Variants in ZNF808 observed in about 807,000 individuals in gnomAD.
ZNF808 encodes the protein zinc finger protein 808.
A neutral mutation model predicts 8.7 loss-of-function variants in ZNF808; 5 were observed. The observed-to-expected ratio is 0.58, with a 90% confidence interval of 0.30 to 1.21. ZNF808 has a LOEUF of 1.21. Ranked by LOEUF, ZNF808 falls within the 50% of genes most tolerant of loss-of-function variation. ZNF808 has a pLI of 0.07. For synonymous variants in ZNF808, 380 were observed against 366.0 expected, an observed-to-expected ratio of 1.04 and a Z score of -0.44; for missense variants, 1,103 against 1,098.4, an observed-to-expected ratio of 1.00 and a Z score of -0.06.
intron 3 of ZNF808, among the ~76,000 whole-genome samples, chr19:52,546,943 CTTTTTTT>C (rs1172936091): frequency 1.1e-4 from 9 of 78,478 alleles, no homozygotes; most frequent in South Asian, 4.0e-4. Context: ...CCTGGAATTG[CTTTTTTT>C]TTTTTTTTTT....
chr19:52,543,646 A>T (rs879724530), intron 3 of ZNF808, among the ~76,000 whole-genome samples: 4 of 152,316 alleles, frequency 2.6e-5, no homozygotes, highest in Admixed American at 6.5e-5. Context: ...TTGATGTCAG[A>T]GCTGCTGGGC....
At chr19:52,546,429 C>A (rs1373000611) in intron 3 of ZNF808, among the ~76,000 whole-genome samples, 6 of 152,096 alleles carry the variant, frequency 3.9e-5, no homozygotes, top group Non-Finnish European at 7.3e-5. Flanking sequence ...TCATGATCCA[C>A]CTGCCTTGGC....
chr19:52,562,104 G>A (rs2059860093), intron 3 of ZNF808, among the ~76,000 whole-genome samples: 1 of 152,150 alleles, frequency 6.6e-6, no homozygotes, highest in African/African-American at 2.4e-5. Context: ...GAGGTCCAGA[G>A]TTTGAGACCA....
intron 2 of ZNF808, among the ~76,000 whole-genome samples, chr19:52,535,598 A>G (rs1000500921): frequency 3.9e-5 from 6 of 152,148 alleles, no homozygotes; most frequent in Non-Finnish European, 7.4e-5. Context: ...CGGAGGCCCT[A>G]GGGAAGTCTC....
downstream of ZNF808, among the ~76,000 whole-genome samples, chr19:52,560,346 AC>A (rs976521724): frequency 1.5e-4 from 23 of 152,100 alleles, no homozygotes; most frequent in Admixed American, 1.2e-3. Flanking sequence ...AAATTAAAAA[AC>A]GTCATAATTA....
At position 52,555,061 on chromosome 19, in the gene ZNF808, C is replaced by CT. The variant is rs1301543125; in HGVS notation, c.2147dup (p.Ser717GlnfsTer2). 6.2e-7 allele frequency: 1 copy of CT among 1,613,644 alleles called. No individual in the cohort carries two copies. Among genetic ancestry groups the CT allele is most frequent in the South Asian group, 1.1e-5 (1 of 91,046 alleles). ...ACAAGTGTAATGAGTGCAGCAAGAC[C>CT]TTCAGTAACAGGTCATCCCTTGTAT... On this transcript the variant is annotated frameshift_variant, in exon 5 of 5. Transcript: ENST00000359798. LOFTEE classifies it low-confidence loss of function (END_TRUNC).
At chr19:52,568,313 G>A (rs1019241253), downstream of ZNF808, among the ~76,000 whole-genome samples, 1 of 152,198 alleles carries the variant, frequency 6.6e-6, no homozygotes, top group Non-Finnish European at 1.5e-5. Context: ...CGTGGAGGTC[G>A]TAGTGAGCCG....
At position 52,529,074 on chromosome 19, in the gene ZNF808, C is replaced by G. The variant is rs12327753; in HGVS notation, c.-122+1363C>G. Among the ~76,000 whole-genome samples, 45 of 151,704 alleles carry G rather than the reference C, an allele frequency of 3.0e-4. No individual in the cohort carries two copies. The East Asian group carries it at 8.1e-3, about 27-fold the overall frequency. On this transcript the variant is annotated intron_variant, in intron 1 of 4. Transcript: ENST00000359798. ...ATATGTACAGAATTAGGGAGGGAAG[C>G]GCAGTAATGAAGAAAGGGGGGCTAG...
chr19:52,555,046 T>C lies in ZNF808; in HGVS notation c.2130T>C (p.Asn710=), dbSNP rs1167049570. 6.2e-7 allele frequency: 1 copy of C among 1,613,922 alleles called. No homozygotes were observed. Among genetic ancestry groups the C allele is most frequent in the Admixed American group, 1.7e-5 (1 of 59,998 alleles). ...IHSGMKPYKC[N]ECSKTFSNRS... ...GTGGAATGAAACCTTACAAGTGTAATGAGTGCAGCAAGACCTTCAGTAACA... is the reference window on the plus strand; with the variant it reads ...GTGGAATGAAACCTTACAAGTGTAACGAGTGCAGCAAGACCTTCAGTAACA... The change falls in exon 5 of 5, where the codon AAT becomes AAC. Residue 710 remains asparagine, a synonymous_variant. Transcript: ENST00000359798.
At chr19:52,539,175 CTTCAT>C (rs1409107910) in intron 2 of ZNF808, among the ~76,000 whole-genome samples, 1 of 141,640 alleles carries the variant, frequency 7.1e-6, no homozygotes, top group Non-Finnish European at 1.5e-5. Flanking sequence ...TCTAGTTCCT[CTTCAT>C]TTCATTTTTT....
At chr19:52,565,208 G>T (rs1352376222), downstream of ZNF808, among the ~76,000 whole-genome samples, 1 of 152,178 alleles carries the variant, frequency 6.6e-6, no homozygotes, top group African/African-American at 2.4e-5. Flanking sequence ...AACTTGGGAG[G>T]CGGAGGTTGC....
At chr19:52,557,976 C>T (rs562076524), downstream of ZNF808, among the ~76,000 whole-genome samples, 108 of 145,516 alleles carry the variant, frequency 7.4e-4, 4 homozygotes, top group South Asian at 0.022. Context: ...GACTCTGACC[C>T]CTGAAATGAC....
At chr19:52,558,925 C>T (rs985508091), downstream of ZNF808, among the ~76,000 whole-genome samples, 13 of 152,196 alleles carry the variant, frequency 8.5e-5, no homozygotes, top group Non-Finnish European at 1.8e-4. Context: ...TGCTAGAAGA[C>T]AGCGTGCTTG....
At chr19:52,543,479 C>T (rs758075973) in intron 3 of ZNF808, 132 bp downstream of exon 3, 54 of 1,321,086 alleles carry the variant, frequency 4.1e-5, no homozygotes, top group South Asian at 5.8e-5. Flanking sequence ...CTGACACGTT[C>T]ACTTGCACTC....
rs2059816546 is a variant in ZNF808 at position 52,554,686 on chromosome 19, T to C, written c.1770T>C (p.Thr590=). Reference sequence around the variant, plus strand: ...TTTCACGTCATCGTAGACTTCATACTGGAGAGAAACCTTACAAATGTGAAG... The same window carrying C: ...TTTCACGTCATCGTAGACTTCATACCGGAGAGAAACCTTACAAATGTGAAG... ...SHLSRHRRLH[T]GEKPYKCEAC... The change falls in exon 5 of 5, where the codon ACT becomes ACC. Residue 590 remains threonine (T), a synonymous_variant. Coordinates refer to ENST00000359798, the MANE Select transcript of ZNF808 (RefSeq NM_001039886.4). 1 of 1,613,940 alleles carries C rather than the reference T, an allele frequency of 6.2e-7. No individual in the cohort carries two copies. The highest frequency in any genetic ancestry group is 1.1e-5 in the South Asian group (1 of 91,086).
downstream of ZNF808, among the ~76,000 whole-genome samples, chr19:52,565,851 C>G (rs2059871903): frequency 6.6e-6 from 1 of 152,096 alleles, no homozygotes; most frequent in South Asian, 2.1e-4. Flanking sequence ...CTCATGTCAC[C>G]CTAAATTTGT....
chr19:52,539,235 G>T (rs1460689789), intron 2 of ZNF808, among the ~76,000 whole-genome samples: 2 of 129,262 alleles, frequency 1.5e-5, no homozygotes, highest in African/African-American at 6.0e-5. Context: ...TCTGTGTCAC[G>T]CAGGCTGGAG....
In ZNF808 at chr19:52,554,132, A is replaced by G; in HGVS notation, c.1216A>G (p.Lys406Glu). Residue 406 changes from lysine to glutamate, a missense_variant, in exon 5 of 5, where the codon AAG becomes GAG. Transcript: ENST00000359798. ...AACATACAAGTGTAATGAGTGTGGT[A>G]AGGCTTTTAATCATCAATCAAGCCT... ...EKTYKCNECG[K>E]AFNHQSSLAR... 6.2e-7 allele frequency: 1 copy of G among 1,614,210 alleles called. No homozygotes were observed. The highest frequency in any genetic ancestry group is 8.5e-7 in the Non-Finnish European group (1 of 1,180,034).
chr19:52,566,501 A>T (rs188283911), downstream of ZNF808, among the ~76,000 whole-genome samples: 51 of 152,276 alleles, frequency 3.3e-4, no homozygotes, highest in African/African-American at 1.2e-3. Flanking sequence ...TGAAATAAAA[A>T]CCCATTCTAT....
Sources: gnomAD v4.1 joint callset for allele counts (sites outside exome capture counted in the v4.1 genomes callset) on GRCh38, gnomAD v4.1.1 for gene constraint, MANE v1.5 for transcripts, NCBI Gene and HGNC (gene_info 2026-07-23, HGNC 2026-07-21) for gene names.